HSPA4L: variants seen among roughly 807,000 people sequenced by gnomAD.
HSPA4L encodes the protein heat shock protein family A (Hsp70) member 4 like.
A neutral mutation model predicts 100.3 loss-of-function variants in HSPA4L; 48 were observed. That is an observed-to-expected ratio of 0.48 (90% CI 0.38 to 0.61). HSPA4L has a LOEUF of 0.61. HSPA4L is among the 20% of genes least tolerant of loss of function. The probability of loss-of-function intolerance (pLI) is 0.00; values close to 1 mark genes in which losing one functional copy is unlikely to be tolerated. For synonymous variants in HSPA4L, 319 were observed against 328.2 expected (o/e 0.97, Z 0.30); for missense variants, 886 against 988.6 (o/e 0.90, Z 1.39).
Position 127,828,580 on chromosome 4 carries a change from T to C in HSPA4L, c.2166+1156T>C, listed in dbSNP as rs189429492. Among the ~76,000 whole-genome samples, 181 of 152,130 alleles carry C rather than the reference T, an allele frequency of 1.2e-3. 1 individual carries two copies. The highest frequency in any genetic ancestry group is 4.3e-3 in the African/African-American group (179 of 41,524). ...CTATACTGCTTTCCACTACACAAAA[T>C]TGAGAAGAATTACTTATTTTAGAAA... On this transcript the variant is annotated intron_variant, in intron 17 of 18. Coordinates refer to ENST00000296464, the MANE Select transcript of HSPA4L (RefSeq NM_014278.4).
At chr4:127,787,866 T>C (rs1007347175) in intron 1 of HSPA4L, among the ~76,000 whole-genome samples, 2 of 152,126 alleles carry the variant, frequency 1.3e-5, no homozygotes, top group Admixed American at 6.6e-5. Flanking sequence ...AAAGGTTTAA[T>C]ATAGCACTGA....
chr4:127,798,517 G>A, intron 3 of HSPA4L, 70 bp from the exon 4 acceptor site: 1 of 1,478,666 alleles, frequency 6.8e-7, no homozygotes, highest in East Asian at 2.3e-5. Flanking sequence ...CACATATACA[G>A]TAGGTGCTCA....
At chr4:127,811,729 C>T (rs1485191337) in intron 12 of HSPA4L, 93 bp downstream of exon 12, 5 of 906,910 alleles carry the variant, frequency 5.5e-6, no homozygotes. Context: ...GAATACATTA[C>T]TCTCTGAGGT....
rs1017383223 is a variant in HSPA4L, at chr4:127,822,884, T to A, written c.1928T>A (p.Ile643Asn). The change falls in exon 15 of 19, where the codon ATC becomes AAC. Residue 643 changes from isoleucine (I) to asparagine (N), a missense_variant. Physicochemically the swap from Ile to Asn is moderately radical, Grantham distance 149 (BLOSUM62 -3). Coordinates refer to ENST00000296464, the MANE Select transcript of HSPA4L (RefSeq NM_014278.4). ...CTGGGCACTGTCTATGAAAAATTCATCACTCCAGAAGTAAGTCTAAATTCT... is the reference window on the plus strand; with the variant it reads ...CTGGGCACTGTCTATGAAAAATTCAACACTCCAGAAGTAAGTCTAAATTCT... ...DRLGTVYEKF[I>N]TPEDLSKLSA... 1 of 1,613,372 alleles carries A rather than the reference T, an allele frequency of 6.2e-7. No homozygotes were observed. The highest frequency in any genetic ancestry group is 8.5e-7 in the Non-Finnish European group (1 of 1,179,674).
At position 127,837,291 on chromosome 4, in the gene HSPA4L, A is replaced by G. The variant is rs1734232590; in HGVS notation, c.*4417A>G. On this transcript the variant is annotated 3_prime_UTR_variant, in exon 19 of 19. Transcript: ENST00000296464. ...AAAGTTAATGTTATTTTGTGGTTAA[A>G]CTTCTAAAGTTTTGAACTGTAAGCA... The G allele has an allele frequency of 1.3e-5, 2 of 152,120 alleles. No individual in the cohort carries two copies. The highest frequency in any genetic ancestry group is 1.3e-4 in the Admixed American group (2 of 15,274). The allele number at this position is 152,120 out of a possible 1,614,324, so 9.4% of individuals were successfully genotyped here. A position where few individuals can be genotyped will look rare whatever the true frequency, so the allele number is the denominator to read the frequency against.
chr4:127,807,367 T>C (rs1733389109), intron 10 of HSPA4L, among the ~76,000 whole-genome samples: 1 of 151,804 alleles, frequency 6.6e-6, no homozygotes. Flanking sequence ...GAAAAAAAGA[T>C]GGAAATATGA....
At chr4:127,782,256 C>T (rs559352655), upstream of HSPA4L, 2,663 of 419,964 alleles carry the variant, frequency 6.3e-3, 17 homozygotes, top group Non-Finnish European at 8.3e-3. Flanking sequence ...GGCTCGCGCG[C>T]CTCCCGGGCA....
In HSPA4L at chr4:127,840,534, A is replaced by G. The variant is rs111791497; in HGVS notation, c.*7660A>G. 1 of 152,230 alleles carries G rather than the reference A, an allele frequency of 6.6e-6. No individual in the cohort carries two copies. The highest frequency in any genetic ancestry group is 2.4e-5 in the African/African-American group (1 of 41,466). 9.4% of individuals were successfully genotyped at this position (152,230 alleles called of 1,614,324 possible). A position where few individuals can be genotyped will look rare whatever the true frequency, so the allele number is the denominator to read the frequency against. On this transcript the variant is annotated 3_prime_UTR_variant, in exon 19 of 19. Coordinates refer to ENST00000296464, the MANE Select transcript of HSPA4L (RefSeq NM_014278.4). Reference sequence around the variant, plus strand: ...GGTAACATAGGAATATGTATTTGTCAATTTTAGTTCACAAACATATCCATA... The same window carrying G: ...GGTAACATAGGAATATGTATTTGTCGATTTTAGTTCACAAACATATCCATA...
In HSPA4L at chr4:127,801,482, T is replaced by C. The variant is rs1417622847; in HGVS notation, c.529+245T>C. Among the ~76,000 whole-genome samples the C allele has an allele frequency of 1.1e-4, 16 of 150,678 alleles. No individual in the cohort carries two copies. In the Admixed American group the frequency reaches 1.1e-3, roughly 10 times the overall value. On this transcript the variant is annotated intron_variant, in intron 5 of 18. Coordinates refer to ENST00000296464, the MANE Select transcript of HSPA4L (RefSeq NM_014278.4). ...ACGTGTGTGTGTGTGTGTGTGTGTG[T>C]GTGTGTGTGTGTGTGTGTGTATGTA...
chr4:127,827,797 G>C (rs114859421), intron 17 of HSPA4L, among the ~76,000 whole-genome samples: 1 of 151,900 alleles, frequency 6.6e-6, no homozygotes, highest in Non-Finnish European at 1.5e-5. Flanking sequence ...GACTCTGCTA[G>C]CCTTTATTTT....
chr4:127,800,507 GTGTA>G (rs766988594), intron 4 of HSPA4L, among the ~76,000 whole-genome samples: 1 of 152,048 alleles, frequency 6.6e-6, no homozygotes, highest in African/African-American at 2.4e-5. Flanking sequence ...ATATGTATGT[GTGTA>G]TGTATGTATG....
chr4:127,789,257 T>A (rs1732803223), intron 1 of HSPA4L, among the ~76,000 whole-genome samples: 1 of 152,206 alleles, frequency 6.6e-6, no homozygotes, highest in South Asian at 2.1e-4. Context: ...CATTTAGAAA[T>A]CTTCATTGTT....
At chr4:127,814,417 A>G (rs1733619734) in intron 12 of HSPA4L, among the ~76,000 whole-genome samples, 2 of 151,032 alleles carry the variant, frequency 1.3e-5, no homozygotes, top group South Asian at 2.1e-4. Context: ...TTTTTTTTTA[A>G]TTTTTTTTTG....
chr4:127,822,067 T>C (rs1221726361), intron 14 of HSPA4L, among the ~76,000 whole-genome samples: 1 of 152,220 alleles, frequency 6.6e-6, no homozygotes, highest in Non-Finnish European at 1.5e-5. Flanking sequence ...CATTTTTAAG[T>C]GTATAATTCA....
intron 4 of HSPA4L, among the ~76,000 whole-genome samples, chr4:127,800,886 A>G (rs548928895): frequency 1.3e-5 from 2 of 152,292 alleles, no homozygotes; most frequent in South Asian, 2.1e-4. Context: ...TAACACAGGA[A>G]GTATTTAGAC....
intron 1 of HSPA4L, among the ~76,000 whole-genome samples, chr4:127,783,020 G>T (rs886637343): frequency 1.1e-4 from 17 of 152,170 alleles, no homozygotes; most frequent in Admixed American, 1.0e-3. Flanking sequence ...AAGATCTCCG[G>T]TTGCCTCTAA....
intron 5 of HSPA4L, among the ~76,000 whole-genome samples, 158 bp from the exon 6 acceptor site, chr4:127,801,621 ATAAAGT>A (rs527442693): frequency 6.6e-4 from 100 of 152,300 alleles, no homozygotes; most frequent in African/African-American, 1.7e-3. Context: ...TAAGGAAAAA[ATAAAGT>A]TAAAGCATTA....
Position 127,811,532 on chromosome 4 carries a change from G to A in HSPA4L, c.1474G>A (p.Val492Met). Residue 492 changes from valine (V) to methionine (M), a missense_variant, in exon 12 of 19, where the codon GTG becomes ATG. Coordinates refer to ENST00000296464, the MANE Select transcript of HSPA4L (RefSeq NM_014278.4). ...VRVNIHGIFS[V>M]ASASVIEKQN... ...TGTTAACATCCATGGAATCTTCAGT[G>A]TGGCTAGCGCATCAGTAATTGAGAA... 1 of 1,613,940 alleles carries A rather than the reference G, an allele frequency of 6.2e-7. No homozygotes were observed.
In HSPA4L at chr4:127,823,511, T is replaced by C. The variant is rs946272404; in HGVS notation, c.1939-6T>C. 1.3e-6 allele frequency: 2 copies of C among 1,580,972 alleles called. No individual in the cohort carries two copies. Among genetic ancestry groups the C allele is most frequent in the Admixed American group, 1.7e-5 (1 of 58,964 alleles). The stretch of plus-strand genomic sequence containing the variant: ...TTTAATTAGTGTCTCTCAAATATAT[T>C]ACTAGGACTTGAGTAAACTGTCTGC... On this transcript the variant is annotated splice_region_variant and splice_polypyrimidine_tract_variant and intron_variant, in intron 15 of 18. Transcript: ENST00000296464.
Sources: gnomAD v4.1 joint callset for allele counts (sites outside exome capture counted in the v4.1 genomes callset) on GRCh38, gnomAD v4.1.1 for gene constraint, MANE v1.5 for transcripts, NCBI Gene and HGNC (gene_info 2026-07-23, HGNC 2026-07-21) for gene names.